The following HDAC9 variants were observed in gnomAD, a reference collection of about 807,000 sequenced individuals.
HDAC9 encodes the protein MEF-2 interacting transcription repressor (MITR) protein.
A neutral mutation model predicts 139.4 loss-of-function variants in HDAC9; 41 were observed. The observed-to-expected ratio is 0.29, with a 90% CI of 0.23 to 0.38. The LOEUF (loss-of-function observed/expected upper bound fraction) is 0.38, where lower values mean the gene tolerates loss of function less well. Ranked by LOEUF, HDAC9 falls within the 10% of genes least tolerant of loss-of-function variation. HDAC9 has a pLI of 1.00. For missense variants in HDAC9, 1,147 were observed against 1,297.0 expected, an observed-to-expected ratio of 0.88 and a Z score of 1.78; for synonymous variants, 517 against 476.2, an observed-to-expected ratio of 1.09 and a Z score of -1.12.
intron 15 of HDAC9, among the ~76,000 whole-genome samples, chr7:18,765,004 TCTCCAATTATTTCTGGTGCAAGGCTTTC>T (rs1172215979): frequency 6.6e-5 from 10 of 152,284 alleles, no homozygotes; most frequent in African/African-American, 2.4e-4. Context: ...GAAGACATTC[TCTCCAATTATTTCTGGTGCAAGGCTTTC>T]CTTAGCATTA....
chr7:18,293,203 C>T (rs1298160844), intron 1 of HDAC9, among the ~76,000 whole-genome samples: 1 of 152,016 alleles, frequency 6.6e-6, no homozygotes, highest in Non-Finnish European at 1.5e-5. Flanking sequence ...GATTTGAAAT[C>T]ATATGATCTT....
At chr7:18,460,534 C>T (rs1026473309) in intron 1 of HDAC9, among the ~76,000 whole-genome samples, 2 of 151,928 alleles carry the variant, frequency 1.3e-5, no homozygotes, top group African/African-American at 2.4e-5. Context: ...CCTGTAATCC[C>T]AGCACTTTCA....
chr7:18,250,396 A>T (rs1794843129), intron 2 of HDAC9, among the ~76,000 whole-genome samples: 1 of 152,214 alleles, frequency 6.6e-6, no homozygotes. Flanking sequence ...GTTCTCACTA[A>T]GCAAACCTTC....
Position 18,548,640 on chromosome 7 carries a change from C to G in HDAC9, c.23-36641C>G, listed in dbSNP as rs550119738. ...TTTGTAACACATTTATGACAAAGGACTCATATCTAAAATGTATAAATAACT... is the reference window on the plus strand; with the variant it reads ...TTTGTAACACATTTATGACAAAGGAGTCATATCTAAAATGTATAAATAACT... On this transcript the variant is annotated intron_variant, in intron 2 of 25. Coordinates refer to ENST00000686413, the MANE Select transcript of HDAC9 (RefSeq NM_178425.4). 6.6e-5 allele frequency among the ~76,000 whole-genome samples: 10 copies of G among 152,122 alleles called. 1 individual carries two copies. Among genetic ancestry groups the G allele is most frequent in the African/African-American group, 2.4e-4 (10 of 41,496 alleles).
intron 25 of HDAC9, among the ~76,000 whole-genome samples, chr7:18,986,692 C>T (rs986747492): frequency 6.6e-6 from 1 of 152,154 alleles, no homozygotes; most frequent in Non-Finnish European, 1.5e-5. Flanking sequence ...ATTGATTCTT[C>T]CTACCCATGA....
intron 22 of HDAC9, among the ~76,000 whole-genome samples, chr7:18,897,867 A>G (rs1341198469): frequency 6.6e-6 from 1 of 151,102 alleles, no homozygotes; most frequent in Non-Finnish European, 1.5e-5. Context: ...CTTTGCCACC[A>G]GGGAACCATG....
chr7:18,661,994 T>A (rs1187601010), intron 11 of HDAC9, among the ~76,000 whole-genome samples: 3 of 152,170 alleles, frequency 2.0e-5, no homozygotes, highest in Non-Finnish European at 2.9e-5. Context: ...AGGTCAGATT[T>A]CAGAAGGTCT....
intron 6 of HDAC9, among the ~76,000 whole-genome samples, chr7:18,596,035 G>T (rs193011946): frequency 6.6e-6 from 1 of 152,016 alleles, no homozygotes; most frequent in Non-Finnish European, 1.5e-5. Flanking sequence ...GACATTTTCT[G>T]TGCCTTATTA....
Position 18,945,357 on chromosome 7 carries a change from C to T in HDAC9, c.2938-8789C>T, listed in dbSNP as rs149007644. On this transcript the variant is annotated intron_variant, in intron 23 of 25. Transcript: ENST00000686413. ...AGTATCTATTCAAAACTTTGGTCCA[C>T]CTTCATATTGTCTTTTTCCTTACTG... Among the ~76,000 whole-genome samples the T allele has an allele frequency of 1.3e-5, 2 of 152,238 alleles. 1 individual carries two copies. The highest frequency in any genetic ancestry group is 2.9e-5 in the Non-Finnish European group (2 of 68,034).
chr7:18,879,726 C>A (rs920718262), intron 22 of HDAC9, among the ~76,000 whole-genome samples: 1 of 152,094 alleles, frequency 6.6e-6, no homozygotes, highest in African/African-American at 2.4e-5. Context: ...ACATCCTAGG[C>A]AATACCGTCC....
intron 16 of HDAC9, among the ~76,000 whole-genome samples, chr7:18,783,878 A>G (rs1791463979): frequency 6.6e-6 from 1 of 152,036 alleles, no homozygotes; most frequent in African/African-American, 2.4e-5. Context: ...TAGGGCTACT[A>G]ATAAATACCA....
intron 21 of HDAC9, among the ~76,000 whole-genome samples, chr7:18,846,488 A>G (rs1284470571): frequency 6.6e-6 from 1 of 152,254 alleles, no homozygotes; most frequent in Non-Finnish European, 1.5e-5. Context: ...TAAGCCCATT[A>G]TAGACTATAT....
chr7:18,915,945 G>A (rs1292549835), intron 22 of HDAC9, among the ~76,000 whole-genome samples: 2 of 150,094 alleles, frequency 1.3e-5, no homozygotes, highest in East Asian at 2.0e-4. Flanking sequence ...GGAAACGAGA[G>A]TAGATGTTAA....
intron 1 of HDAC9, among the ~76,000 whole-genome samples, chr7:18,379,673 C>G (rs1030532063): frequency 2.0e-5 from 3 of 152,170 alleles, no homozygotes; most frequent in African/African-American, 7.2e-5. Flanking sequence ...GAACCTGTCA[C>G]AAGGGCACTG....
At chr7:18,267,196 A>G in intron 2 of HDAC9, among the ~76,000 whole-genome samples, 1 of 152,276 alleles carries the variant, frequency 6.6e-6, no homozygotes, top group East Asian at 1.9e-4. Context: ...AATTGACTTT[A>G]TAATGTATAA....
intron 2 of HDAC9, among the ~76,000 whole-genome samples, chr7:18,216,969 C>T (rs1484700663): frequency 1.3e-5 from 2 of 152,036 alleles, no homozygotes; most frequent in Non-Finnish European, 2.9e-5. Flanking sequence ...ACCGTATTGA[C>T]TTACCATATC....
upstream of HDAC9, among the ~76,000 whole-genome samples, chr7:18,289,427 A>G (rs623532): frequency 0.37 from 56,893 of 152,090 alleles, 12,233 homozygotes; most frequent in African/African-American, 0.61. Context: ...AGTTTCCTCA[A>G]CCTGCCTCAG....
chr7:18,642,030 T>A (rs1041910043), intron 8 of HDAC9, among the ~76,000 whole-genome samples: 50 of 152,188 alleles, frequency 3.3e-4, no homozygotes, highest in African/African-American at 1.2e-3. Context: ...ACCTTGAAAG[T>A]CTACATAAAT....
chr7:18,688,399 C>A lies in HDAC9; in HGVS notation c.1731+21923C>A, dbSNP rs183364402. Among the ~76,000 whole-genome samples, 58 of 151,870 alleles carry A rather than the reference C, an allele frequency of 3.8e-4. No homozygotes were observed. In the East Asian group the frequency reaches 0.01, roughly 27 times the overall value. ...ATATACAAATTTTATGAATAATGTGCAAATTTACAAAAGATGATTTGCTTT... is the reference window on the plus strand; with the variant it reads ...ATATACAAATTTTATGAATAATGTGAAAATTTACAAAAGATGATTTGCTTT... On this transcript the variant is annotated intron_variant, in intron 12 of 25. Transcript: ENST00000686413.
Sources: gnomAD v4.1 joint callset for allele counts (sites outside exome capture counted in the v4.1 genomes callset) on GRCh38, gnomAD v4.1.1 for gene constraint, MANE v1.5 for transcripts, NCBI Gene and HGNC (gene_info 2026-07-23, HGNC 2026-07-21) for gene names.